Variants in COL26A1 observed in about 807,000 individuals in gnomAD.
The protein encoded by COL26A1 is collagen alpha-1(XXVI) chain.
Under a neutral mutation model 59.3 loss-of-function variants are expected in COL26A1, and 41 were observed. The ratio of observed to expected loss-of-function variants is 0.69; its 90% confidence interval spans 0.54 to 0.90. COL26A1 has a LOEUF of 0.90. Among genes scored for constraint, COL26A1 ranks in the 40% least tolerant of loss-of-function variants. The pLI is 0.00. For missense variants in COL26A1, 612 were observed against 602.3 expected, an observed-to-expected ratio of 1.02 and a Z score of -0.17; for synonymous variants, 266 against 256.0, an observed-to-expected ratio of 1.04 and a Z score of -0.37.
intron 1 of COL26A1, among the ~76,000 whole-genome samples, chr7:101,364,346 T>A (rs56843399): frequency 3.3e-5 from 3 of 92,124 alleles, no homozygotes; most frequent in African/African-American, 5.6e-5. Flanking sequence ...ATTTTAATTT[T>A]TTTTTTTTGC....
At chr7:101,434,345 C>G (rs1584404269) in intron 2 of COL26A1, among the ~76,000 whole-genome samples, 1 of 151,922 alleles carries the variant, frequency 6.6e-6, no homozygotes, top group African/African-American at 2.4e-5. Flanking sequence ...CCTCCAACTC[C>G]TGGTCTCCAG....
Position 101,363,117 on chromosome 7 carries a change from G to A in COL26A1, c.85G>A (p.Ala29Thr). ...LATGFLYPFS[A>T]AALQQHGYPE... ...CACCGGCTTCCTCTATCCCTTCTCGGCCGCAGCTCTGCAGCAGCACGGCTA... is the reference window on the plus strand; with the variant it reads ...CACCGGCTTCCTCTATCCCTTCTCGACCGCAGCTCTGCAGCAGCACGGCTA... The change falls in exon 1 of 13, where the codon GCC becomes ACC. Residue 29 changes from alanine to threonine, a missense_variant. Ala to Thr is a moderately conservative substitution (Grantham distance 58). Coordinates refer to ENST00000313669, the MANE Select transcript of COL26A1 (RefSeq NM_001278563.3). 6.5e-6 allele frequency: 10 copies of A among 1,544,448 alleles called. No individual in the cohort carries two copies. Among genetic ancestry groups the A allele is most frequent in the East Asian group, 2.5e-5 (1 of 40,034 alleles).
At chr7:101,513,158 C>A (rs1200515975) in intron 3 of COL26A1, among the ~76,000 whole-genome samples, 1 of 151,764 alleles carries the variant, frequency 6.6e-6, no homozygotes, top group Non-Finnish European at 1.5e-5. Flanking sequence ...AGGCATGCGC[C>A]ACCACACCCG....
In COL26A1 at chr7:101,423,378, T is replaced by G. The variant is rs1038540091; in HGVS notation, c.281+3279T>G. ...GGACTGAAAATTTTTCAAGTGATCATTAATGTTGCATAGTTGTTCTCTCCT... is the reference window on the plus strand; with the variant it reads ...GGACTGAAAATTTTTCAAGTGATCAGTAATGTTGCATAGTTGTTCTCTCCT... On this transcript the variant is annotated intron_variant, in intron 2 of 12. Transcript: ENST00000313669. 3.3e-5 allele frequency among the ~76,000 whole-genome samples: 5 copies of G among 152,314 alleles called. No individual in the cohort carries two copies. The Middle Eastern group carries it at 0.01, about 311-fold the overall frequency.
At chr7:101,427,126 A>G (rs1305306823) in intron 2 of COL26A1, among the ~76,000 whole-genome samples, 1 of 152,230 alleles carries the variant, frequency 6.6e-6, no homozygotes, top group Non-Finnish European at 1.5e-5. Context: ...TGGCACAATC[A>G]TAGCTCACTT....
chr7:101,454,291 G>C (rs1793415827), intron 3 of COL26A1, among the ~76,000 whole-genome samples: 1 of 134,100 alleles, frequency 7.5e-6, no homozygotes. Flanking sequence ...TTGTTATGGA[G>C]TCTCGCTCTA....
At chr7:101,433,739 C>T (rs1792835836) in intron 2 of COL26A1, among the ~76,000 whole-genome samples, 1 of 152,048 alleles carries the variant, frequency 6.6e-6, no homozygotes, top group South Asian at 2.1e-4. Flanking sequence ...GAGGGGGGCC[C>T]TGTCAGAGCA....
intron 3 of COL26A1, among the ~76,000 whole-genome samples, chr7:101,471,581 T>G (rs1056815780): frequency 2.0e-4 from 18 of 91,208 alleles, no homozygotes; most frequent in South Asian, 4.7e-4. Flanking sequence ...GTTTTTTTTT[T>G]TTTTTTTTTT....
chr7:101,423,213 C>A (rs1792566336), intron 2 of COL26A1, among the ~76,000 whole-genome samples: 1 of 152,036 alleles, frequency 6.6e-6, no homozygotes, highest in Non-Finnish European at 1.5e-5. Flanking sequence ...TTGTAGTGAG[C>A]CAAGATCGTG....
At chr7:101,486,669 C>G (rs1859625) in intron 3 of COL26A1, among the ~76,000 whole-genome samples, 68,703 of 152,174 alleles carry the variant, frequency 0.45, 17,619 homozygotes, top group African/African-American at 0.7. Flanking sequence ...CCCGGTGGAA[C>G]GGAGATGCCA....
chr7:101,460,702 A>G (rs2130424485), intron 3 of COL26A1, among the ~76,000 whole-genome samples: 1 of 151,568 alleles, frequency 6.6e-6, no homozygotes, highest in Non-Finnish European at 1.5e-5. Flanking sequence ...AATCGCTTGA[A>G]CCCGGGAGGC....
intron 1 of COL26A1, among the ~76,000 whole-genome samples, chr7:101,369,850 A>G (rs1791143578): frequency 1.3e-5 from 2 of 151,574 alleles, no homozygotes; most frequent in African/African-American, 4.8e-5. Flanking sequence ...TGAAGAGTCC[A>G]TTTTATTTTA....
At chr7:101,520,657 CACACA>C (rs1324387579) in intron 3 of COL26A1, among the ~76,000 whole-genome samples, 20 of 151,224 alleles carry the variant, frequency 1.3e-4, no homozygotes, top group South Asian at 1.0e-3. Context: ...CACACACACA[CACACA>C]CCCCCGTGTT....
At chr7:101,489,683 T>G (rs1469412461) in intron 3 of COL26A1, among the ~76,000 whole-genome samples, 1,799 of 19,872 alleles carry the variant, frequency 0.091, 313 homozygotes, top group African/African-American at 0.13. Context: ...CTTCCTTCCT[T>G]TCTTTCTTTC....
chr7:101,516,953 A>G (rs1037188352), intron 3 of COL26A1, among the ~76,000 whole-genome samples: 1 of 152,114 alleles, frequency 6.6e-6, no homozygotes, highest in African/African-American at 2.4e-5. Flanking sequence ...GGAAGAAAAA[A>G]TTCATCCTTG....
intron 3 of COL26A1, among the ~76,000 whole-genome samples, chr7:101,472,155 C>G (rs1793921538): frequency 6.6e-6 from 1 of 152,046 alleles, no homozygotes; most frequent in African/African-American, 2.4e-5. Context: ...TAGGCATGCG[C>G]CATCACGCCT....
chr7:101,422,919 G>C (rs1159499350), intron 2 of COL26A1, among the ~76,000 whole-genome samples: 1 of 152,156 alleles, frequency 6.6e-6, no homozygotes, highest in South Asian at 2.1e-4. Flanking sequence ...GGGATTACAG[G>C]TGTGAGCCAC....
intron 1 of COL26A1, among the ~76,000 whole-genome samples, chr7:101,370,107 C>T (rs1262920196): frequency 6.6e-6 from 1 of 152,044 alleles, no homozygotes; most frequent in African/African-American, 2.4e-5. Flanking sequence ...GTGATCCACC[C>T]GCCTCAGCCT....
At chr7:101,398,943 C>T (rs11770852) in intron 1 of COL26A1, among the ~76,000 whole-genome samples, 24,678 of 151,786 alleles carry the variant, frequency 0.16, 2,600 homozygotes, top group African/African-American at 0.3. Context: ...TGGAGTGAGC[C>T]CCTGGGTGGG....
Sources: allele counts gnomAD v4.1 joint callset (sites outside exome capture counted in the v4.1 genomes callset), GRCh38; gene constraint gnomAD v4.1.1; transcripts MANE v1.5; gene names NCBI Gene and HGNC (gene_info 2026-07-23, HGNC 2026-07-21).